The following C12orf54 variants were observed in gnomAD, a reference collection of about 807,000 sequenced individuals.
C12orf54 encodes chromosome 12 open reading frame 54, also known as uncharacterized protein C12orf54.
A neutral mutation model predicts 26.4 loss-of-function variants in C12orf54; 24 were observed. That is an observed-to-expected ratio of 0.91 (90% CI 0.66 to 1.28). The LOEUF (loss-of-function observed/expected upper bound fraction) is 1.28. Ranked by LOEUF, C12orf54 falls within the 50% of genes most tolerant of loss-of-function variation. The probability of loss-of-function intolerance (pLI) is 0.00; values close to 1 mark genes in which losing one functional copy is unlikely to be tolerated. For synonymous variants in C12orf54, 54 were observed against 47.0 expected (o/e 1.15, Z -0.61); for missense variants, 154 against 150.9 (o/e 1.02, Z -0.11).
intron 4 of C12orf54, 50 bp downstream of exon 4, chr12:48,486,776 G>C (rs1036403917): frequency 6.4e-7 from 1 of 1,554,570 alleles, no homozygotes; most frequent in Non-Finnish European, 8.9e-7. Flanking sequence ...GTGGGAGGTG[G>C]GGGAAGTCTT....
the C12orf54 span, among the ~76,000 whole-genome samples, chr12:48,437,684 CT>C: frequency 6.6e-6 from 1 of 152,120 alleles, no homozygotes; most frequent in Non-Finnish European, 1.5e-5. Context: ...CAGAAAAGGC[CT>C]TTGACAAAAT....
the C12orf54 span, among the ~76,000 whole-genome samples, chr12:48,461,998 G>A: frequency 6.6e-6 from 1 of 151,568 alleles, no homozygotes; most frequent in African/African-American, 2.4e-5. Flanking sequence ...AAAAAGAGAT[G>A]GAGGGAGAGA....
the C12orf54 span, among the ~76,000 whole-genome samples, chr12:48,440,556 T>G: frequency 1.3e-5 from 2 of 152,222 alleles, no homozygotes; most frequent in South Asian, 4.1e-4. Flanking sequence ...TCTCTCATGG[T>G]CTACCATTTC....
chr12:48,482,521 GAA>G lies in C12orf54; in HGVS notation c.-109_-108del, dbSNP rs1210770580. 2.6e-5 allele frequency: 4 copies of G among 152,186 alleles called. No homozygotes were observed. The highest frequency in any genetic ancestry group is 4.8e-5 in the African/African-American group (2 of 41,404). 9.4% of individuals were successfully genotyped at this position (152,186 alleles called of 1,614,324 possible). A position where few individuals can be genotyped will look rare whatever the true frequency, so the allele number is the denominator to read the frequency against. On this transcript the variant is annotated 5_prime_UTR_variant, in exon 1 of 9. Coordinates refer to ENST00000548364, the MANE Select transcript of C12orf54 (RefSeq NM_152319.4). ...CTGTTGTGAGATGGGGCTCAAATAG[GAA>G]AAAGTCTAGGGGTGAAGGAGTGGGG...
At chr12:48,446,066 G>A in the C12orf54 span, among the ~76,000 whole-genome samples, 1 of 152,156 alleles carries the variant, frequency 6.6e-6, no homozygotes, top group African/African-American at 2.4e-5. Context: ...AAGGACAGAC[G>A]GAAAACATAA....
chr12:48,485,281 GGTTTTGTTTTGTTTT>G (rs111417930), intron 2 of C12orf54, among the ~76,000 whole-genome samples: 1 of 151,022 alleles, frequency 6.6e-6, no homozygotes, highest in Non-Finnish European at 1.5e-5. Flanking sequence ...GTTTGTTGTT[GGTTTTGTTTTGTTTT>G]GTTTTGTTTT....
At chr12:48,447,501 G>A in the C12orf54 span, among the ~76,000 whole-genome samples, 1 of 152,088 alleles carries the variant, frequency 6.6e-6, no homozygotes, top group African/African-American at 2.4e-5. Flanking sequence ...CAGAAGCCTT[G>A]CTCCTCCAGA....
At position 48,490,905 on chromosome 12, in the gene C12orf54, G is replaced by T; in HGVS notation, c.193+69G>T. 8 of 1,551,150 alleles carry T rather than the reference G, an allele frequency of 5.2e-6. No individual in the cohort carries two copies. In the South Asian group the frequency reaches 8.9e-5, roughly 17 times the overall value. On this transcript the variant is annotated intron_variant, in intron 6 of 8. Transcript: ENST00000548364. ...GGGGATTTGGAATTCAAGTCTCATT[G>T]TATCCATTTGCCATACAAAAGAAAA... is the stretch of plus-strand genomic sequence containing the variant.
the C12orf54 span, among the ~76,000 whole-genome samples, chr12:48,431,187 T>A: frequency 6.6e-6 from 1 of 152,090 alleles, no homozygotes; most frequent in South Asian, 2.1e-4. Flanking sequence ...ACAAATAGGG[T>A]GCAATGTGTA....
chr12:48,457,046 G>A, the C12orf54 span, among the ~76,000 whole-genome samples: 5 of 152,196 alleles, frequency 3.3e-5, no homozygotes, highest in Middle Eastern at 3.4e-3. Flanking sequence ...CCTAAATCAT[G>A]CATTAAGTTT....
At chr12:48,476,749 GT>G in the C12orf54 span, among the ~76,000 whole-genome samples, 1 of 152,104 alleles carries the variant, frequency 6.6e-6, no homozygotes, top group Admixed American at 6.5e-5. Flanking sequence ...CATAAAGCAA[GT>G]CCTTAGAGAC....
At chr12:48,465,902 T>C in the C12orf54 span, among the ~76,000 whole-genome samples, 1 of 152,088 alleles carries the variant, frequency 6.6e-6, no homozygotes, top group Non-Finnish European at 1.5e-5. Context: ...CTTCTATCTA[T>C]GATATGTTTC....
the C12orf54 span, among the ~76,000 whole-genome samples, chr12:48,438,673 A>T: frequency 2.0e-5 from 3 of 152,250 alleles, no homozygotes; most frequent in African/African-American, 7.2e-5. Flanking sequence ...CCTATTTAAT[A>T]AATGGTGCTG....
chr12:48,461,174 A>G, the C12orf54 span, among the ~76,000 whole-genome samples: 12 of 152,008 alleles, frequency 7.9e-5, no homozygotes, highest in Non-Finnish European at 1.3e-4. Context: ...CCAAGGCTAA[A>G]GAAGGTCATC....
At chr12:48,441,651 A>G in the C12orf54 span, among the ~76,000 whole-genome samples, 1 of 152,202 alleles carries the variant, frequency 6.6e-6, no homozygotes, top group Non-Finnish European at 1.5e-5. Flanking sequence ...CATAGAGTTC[A>G]GTTATTAGAG....
chr12:48,486,428 A>G, intron 3 of C12orf54: 1 of 624,014 alleles, frequency 1.6e-6, no homozygotes. Flanking sequence ...GCAGGCTTAC[A>G]GGCATTGAAA....
At chr12:48,424,591 A>T in the C12orf54 span, among the ~76,000 whole-genome samples, 1 of 152,126 alleles carries the variant, frequency 6.6e-6, no homozygotes, top group Non-Finnish European at 1.5e-5. Flanking sequence ...TGAAATCCTC[A>T]TATGTTGCCA....
At chr12:48,440,070 C>A in the C12orf54 span, among the ~76,000 whole-genome samples, 2 of 151,802 alleles carry the variant, frequency 1.3e-5, no homozygotes, top group East Asian at 3.9e-4. Flanking sequence ...ACTAAAAATA[C>A]AAAAATTCGC....
the C12orf54 span, among the ~76,000 whole-genome samples, chr12:48,463,100 C>T: frequency 6.6e-6 from 1 of 151,692 alleles, no homozygotes; most frequent in Non-Finnish European, 1.5e-5. Context: ...CTAGGAACAA[C>T]CGAAACTTAA....
Sources: gnomAD v4.1 joint callset for allele counts (sites outside exome capture counted in the v4.1 genomes callset) on GRCh38, gnomAD v4.1.1 for gene constraint, MANE v1.5 for transcripts, NCBI Gene and HGNC (gene_info 2026-07-23, HGNC 2026-07-21) for gene names.